The following GALK2 variants were observed in gnomAD, a reference collection of about 807,000 sequenced individuals.
GALK2 encodes galactokinase 2.
In GALK2, 36 loss-of-function variants were observed where a neutral mutation model predicts 52.4. The ratio of observed to expected loss-of-function variants is 0.69; its 90% CI spans 0.53 to 0.91. The LOEUF is 0.91. Ranked by LOEUF, GALK2 falls within the 40% of genes least tolerant of loss-of-function variation. The pLI is 0.00. For synonymous variants in GALK2, 176 were observed against 199.1 expected (o/e 0.88, Z 0.98); for missense variants, 579 against 559.1 (o/e 1.04, Z -0.36).
chr15:49,323,090 G>A (rs536163034), intron 9 of GALK2, among the ~76,000 whole-genome samples: 2 of 152,190 alleles, frequency 1.3e-5, no homozygotes, highest in South Asian at 2.1e-4. Context: ...GAAGACAGAC[G>A]GTACAAGAGT....
chr15:49,214,289 AC>A (rs917621450), intron 2 of GALK2, among the ~76,000 whole-genome samples: 12 of 150,812 alleles, frequency 8.0e-5, no homozygotes, highest in South Asian at 6.3e-4. Context: ...AAACAAAAAA[AC>A]CCCCCAAAAC....
At chr15:49,157,273 A>C (rs140318835) in intron 1 of GALK2, among the ~76,000 whole-genome samples, 14 of 152,302 alleles carry the variant, frequency 9.2e-5, no homozygotes, top group Admixed American at 2.6e-4. Context: ...CCTGACTCTT[A>C]AGACTGACAT....
chr15:49,252,977 A>C (rs1186130675), intron 5 of GALK2, among the ~76,000 whole-genome samples: 2 of 143,408 alleles, frequency 1.4e-5, no homozygotes, highest in Non-Finnish European at 3.1e-5. Context: ...CTGTATATCA[A>C]CTCAGCTCAT....
intron 5 of GALK2, among the ~76,000 whole-genome samples, chr15:49,255,800 CAT>C (rs934175880): frequency 1.3e-5 from 2 of 152,016 alleles, no homozygotes; most frequent in Non-Finnish European, 1.5e-5. Flanking sequence ...TCTTCTATTA[CAT>C]GTTTTAATTA....
rs1442523335 is a variant in GALK2 at position 49,170,297 on chromosome 15, C to T, written c.-26C>T. ...AGCTTTGCTTAGACACTTGAAACTACAGGAGAAAGAAGGATCTAGCGAAAT... is the reference window on the plus strand; with the variant it reads ...AGCTTTGCTTAGACACTTGAAACTATAGGAGAAAGAAGGATCTAGCGAAAT... On this transcript the variant is annotated 5_prime_UTR_variant, in exon 1 of 10. Coordinates refer to ENST00000560031, the MANE Select transcript of GALK2 (RefSeq NM_002044.4). The T allele has an allele frequency of 3.8e-6, 6 of 1,570,570 alleles. No homozygotes were observed. The highest frequency in any genetic ancestry group is 2.7e-5 in the African/African-American group (2 of 74,134).
chr15:49,360,330 C>G (rs1053793980), intron 3 of GALK2, among the ~76,000 whole-genome samples: 9 of 151,682 alleles, frequency 5.9e-5, no homozygotes, highest in Non-Finnish European at 8.8e-5. Context: ...GCATTGAGTT[C>G]AGATTTTTCT....
intron 1 of GALK2, chr15:49,156,489 G>A (rs1372379134): frequency 6.2e-6 from 3 of 487,228 alleles, no homozygotes; most frequent in Admixed American, 4.6e-5. Context: ...GAGATTGCTC[G>A]TAAAGATGAC....
At chr15:49,340,301 C>T (rs2040476280) in intron 3 of GALK2, among the ~76,000 whole-genome samples, 1 of 152,086 alleles carries the variant, frequency 6.6e-6, no homozygotes, top group Non-Finnish European at 1.5e-5. Context: ...GGGAAAAGCG[C>T]AGTATCTGGG....
chr15:49,265,978 A>T (rs75247227), intron 5 of GALK2, among the ~76,000 whole-genome samples: 9,187 of 152,218 alleles, frequency 0.06, 554 homozygotes, highest in African/African-American at 0.15. Context: ...TTTTTTCGAA[A>T]TATAGTGGCT....
intron 8 of GALK2, among the ~76,000 whole-genome samples, chr15:49,299,767 CTTTCTTTCTTTCT>C (rs1567037626): frequency 1.8e-4 from 22 of 119,260 alleles, no homozygotes; most frequent in Non-Finnish European, 3.0e-4. Context: ...TTCTTTCTTT[CTTTCTTTCTTTCT>C]TTCTTTCTTT....
intron 3 of GALK2, among the ~76,000 whole-genome samples, chr15:49,340,432 C>T (rs996680324): frequency 4.0e-4 from 51 of 126,258 alleles, no homozygotes; most frequent in South Asian, 1.9e-3. Context: ...CGCTTTGCCT[C>T]GCCCTCCTTG....
chr15:49,290,959 T>C (rs2033876293), intron 7 of GALK2, among the ~76,000 whole-genome samples: 1 of 152,108 alleles, frequency 6.6e-6, no homozygotes, highest in Non-Finnish European at 1.5e-5. Flanking sequence ...TTTTTTTGTT[T>C]TGTTTTGTTT....
chr15:49,180,500 CTT>C (rs2085874732), intron 1 of GALK2, among the ~76,000 whole-genome samples: 1 of 152,176 alleles, frequency 6.6e-6, no homozygotes, highest in Non-Finnish European at 1.5e-5. Flanking sequence ...TATTAGATCT[CTT>C]TATTTCTACA....
intron 3 of GALK2, among the ~76,000 whole-genome samples, chr15:49,359,005 T>G (rs1438460600): frequency 1.3e-5 from 2 of 151,862 alleles, no homozygotes; most frequent in Non-Finnish European, 2.9e-5. Context: ...CCCTATTTAA[T>G]AAATGGTGCT....
intron 5 of GALK2, among the ~76,000 whole-genome samples, chr15:49,256,487 C>T (rs2091820400): frequency 6.6e-6 from 1 of 152,118 alleles, no homozygotes; most frequent in Non-Finnish European, 1.5e-5. Context: ...TTTCAGGTTT[C>T]TCTAGTCATG....
intron 1 of GALK2, chr15:49,198,929 G>A (rs368920276): frequency 3.4e-4 from 49 of 145,576 alleles, no homozygotes; most frequent in African/African-American, 1.2e-3. Flanking sequence ...GCCCAGGCTA[G>A]AGTGCAGTGG....
At chr15:49,365,486 CA>C in intron 3 of GALK2, 2 of 860,182 alleles carry the variant, frequency 2.3e-6, no homozygotes, top group Non-Finnish European at 4.1e-6. Context: ...ATGATGCACA[CA>C]CTCATTACTG....
upstream of GALK2, among the ~76,000 whole-genome samples, chr15:49,167,460 C>T (rs140766171): frequency 7.2e-5 from 11 of 152,198 alleles, no homozygotes; most frequent in East Asian, 1.9e-3. Context: ...TGGGTTCAAG[C>T]GATTCTCCCG....
At chr15:49,286,747 C>T (rs1013843243) in intron 7 of GALK2, among the ~76,000 whole-genome samples, 2 of 152,008 alleles carry the variant, frequency 1.3e-5, no homozygotes, top group Non-Finnish European at 2.9e-5. Flanking sequence ...TTTTCTTTTA[C>T]GACACACTTC....
Sources: gnomAD v4.1 joint callset for allele counts (sites outside exome capture counted in the v4.1 genomes callset) on GRCh38, gnomAD v4.1.1 for gene constraint, MANE v1.5 for transcripts, NCBI Gene and HGNC (gene_info 2026-07-23, HGNC 2026-07-21) for gene names.